Variants in UGT2B7 observed in about 807,000 individuals in gnomAD.
UGT2B7 encodes the protein UDP glucuronosyltransferase family 2 member B7, also known as UDP-glucuronosyltransferase 2B7.
A neutral mutation model predicts 51.9 loss-of-function variants in UGT2B7; 51 were observed. That is an observed-to-expected ratio of 0.98 (90% CI 0.78 to 1.24). UGT2B7 has a LOEUF of 1.24. Ranked by LOEUF, UGT2B7 falls within the 50% of genes most tolerant of loss-of-function variation. UGT2B7 has a pLI of 0.00. For synonymous variants in UGT2B7, 225 were observed against 211.6 expected (o/e 1.06, Z -0.55); for missense variants, 727 against 628.4 (o/e 1.16, Z -1.68).
At chr4:69,092,882 G>C (rs1257101431), upstream of UGT2B7, among the ~76,000 whole-genome samples, 1 of 149,764 alleles carries the variant, frequency 6.7e-6, no homozygotes, top group Non-Finnish European at 1.5e-5. Flanking sequence ...TCTTAAAATA[G>C]TTACACTTTC....
chr4:69,063,156 A>G (rs931262724), intron 1 of UGT2B7, among the ~76,000 whole-genome samples: 5 of 151,012 alleles, frequency 3.3e-5, no homozygotes, highest in African/African-American at 1.2e-4. Flanking sequence ...CGTCTCTACT[A>G]AAAATACAAA....
At chr4:69,084,199 C>G (rs920745258) in intron 1 of UGT2B7, among the ~76,000 whole-genome samples, 2 of 151,834 alleles carry the variant, frequency 1.3e-5, no homozygotes, top group Non-Finnish European at 2.9e-5. Flanking sequence ...TATGCTTAAC[C>G]TTCTCTGTAT....
intron 1 of UGT2B7, among the ~76,000 whole-genome samples, chr4:69,074,912 G>A (rs1445860716): frequency 1.3e-5 from 2 of 152,036 alleles, no homozygotes; most frequent in Admixed American, 6.6e-5. Context: ...TATGTGTCTG[G>A]AGCAGAAGTG....
intron 5 of UGT2B7, among the ~76,000 whole-genome samples, chr4:69,110,885 T>C (rs991263925): frequency 6.6e-6 from 1 of 152,220 alleles, no homozygotes; most frequent in African/African-American, 2.4e-5. Context: ...ATTTATCTTT[T>C]GTATTTAATA....
chr4:69,063,298 G>A (rs1187424424), intron 1 of UGT2B7, among the ~76,000 whole-genome samples: 1 of 107,082 alleles, frequency 9.3e-6, no homozygotes, highest in Non-Finnish European at 1.7e-5. Context: ...CAGCCTGGGC[G>A]ACAGAGCGAG....
chr4:69,080,580 A>G (rs186396811), intron 1 of UGT2B7, among the ~76,000 whole-genome samples: 40 of 151,914 alleles, frequency 2.6e-4, no homozygotes, highest in Admixed American at 1.8e-3. Context: ...ATCAATGACT[A>G]TACTTCCAAA....
chr4:69,096,495 G>A lies in UGT2B7; in HGVS notation c.-26G>A, dbSNP rs1203863793. 2 of 1,611,368 alleles carry A rather than the reference G, an allele frequency of 1.2e-6. No homozygotes were observed. Among genetic ancestry groups the A allele is most frequent in the East Asian group, 2.2e-5 (1 of 44,858 alleles). ...AAATGACAGAAAGGAACAGCAACTG[G>A]AAAACAAGCATTGCATTGCACCAGG... is the stretch of plus-strand genomic sequence containing the variant. On this transcript the variant is annotated 5_prime_UTR_variant, in exon 1 of 6. Transcript: ENST00000305231.
At chr4:69,077,836 A>AG (rs1486510880) in intron 1 of UGT2B7, among the ~76,000 whole-genome samples, 3 of 152,168 alleles carry the variant, frequency 2.0e-5, no homozygotes, top group African/African-American at 7.2e-5. Flanking sequence ...GTGGTGAGAG[A>AG]GGGCATCCTT....
chr4:69,097,380 T>A, intron 1 of UGT2B7, 139 bp downstream of exon 1: 2 of 1,053,828 alleles, frequency 1.9e-6, no homozygotes, highest in Non-Finnish European at 2.7e-6. Context: ...GATGATCTAT[T>A]AATCTCACAA....
upstream of UGT2B7, among the ~76,000 whole-genome samples, chr4:69,096,266 A>G (rs1015395750): frequency 1.3e-5 from 2 of 152,152 alleles, no homozygotes; most frequent in Non-Finnish European, 2.9e-5. Flanking sequence ...TGTCCATACA[A>G]GATCCTTGAT....
intron 2 of UGT2B7, 40 bp downstream of exon 2, chr4:69,098,728 A>G (rs2109885263): frequency 6.3e-7 from 1 of 1,598,718 alleles, no homozygotes. Context: ...TTGGCTTTGA[A>G]TTTTCAGTAG....
At chr4:69,092,593 A>G (rs1339356796), upstream of UGT2B7, among the ~76,000 whole-genome samples, 2 of 152,066 alleles carry the variant, frequency 1.3e-5, no homozygotes. Flanking sequence ...ATAAAATATA[A>G]AAAGTAAAAT....
At chr4:69,084,298 C>T (rs1718900967) in intron 1 of UGT2B7, among the ~76,000 whole-genome samples, 1 of 128,996 alleles carries the variant, frequency 7.8e-6, no homozygotes, top group South Asian at 2.5e-4. Flanking sequence ...ATTTTTGCGT[C>T]TATGTTCATC....
chr4:69,062,444 C>G (rs922763996), intron 1 of UGT2B7, among the ~76,000 whole-genome samples: 1 of 152,160 alleles, frequency 6.6e-6, no homozygotes, highest in Non-Finnish European at 1.5e-5. Context: ...CCCTTTCAAA[C>G]CTGAAGACTT....
At chr4:69,058,074 A>G (rs1321434248) in intron 1 of UGT2B7, among the ~76,000 whole-genome samples, 1 of 152,248 alleles carries the variant, frequency 6.6e-6, no homozygotes, top group Admixed American at 6.5e-5. Flanking sequence ...GCTGGCAGCT[A>G]CAAAGACAAA....
At chr4:69,067,298 G>T (rs548130225) in intron 1 of UGT2B7, 1 of 152,248 alleles carries the variant, frequency 6.6e-6, no homozygotes, top group Admixed American at 6.6e-5. Context: ...GCAATAATTT[G>T]TTATCTAGAG....
chr4:69,078,345 A>G (rs933384665), intron 1 of UGT2B7, among the ~76,000 whole-genome samples: 1 of 151,848 alleles, frequency 6.6e-6, no homozygotes, highest in Non-Finnish European at 1.5e-5. Context: ...CTCTTTTTCT[A>G]TGTTTGGAAT....
rs139488772 is a variant in UGT2B7, at chr4:69,098,551, A to G, written c.733A>G (p.Thr245Ala). The G allele has an allele frequency of 4.4e-6, 7 of 1,603,702 alleles. No homozygotes were observed. The African/African-American group carries it at 6.8e-5, about 16-fold the overall frequency. Residue 245 changes from threonine (T) to alanine (A), a missense_variant, in exon 2 of 6, where the codon ACA becomes GCA. By Grantham distance (58) the Thr-to-Ala change is moderately conservative. Transcript: ENST00000305231. ...FYSEVLGRPT[T>A]LSETMGKADV... ...TCTATTCCTGTCAGGAAGACCCACT[A>G]CATTATCTGAGACAATGGGGAAAGC...
intron 1 of UGT2B7, among the ~76,000 whole-genome samples, chr4:69,079,225 C>T (rs1313567839): frequency 6.6e-6 from 1 of 152,168 alleles, no homozygotes; most frequent in East Asian, 1.9e-4. Context: ...AAGCTGCACC[C>T]TTCTGCTGCA....
Sources: gnomAD v4.1 joint callset for allele counts (sites outside exome capture counted in the v4.1 genomes callset) on GRCh38, gnomAD v4.1.1 for gene constraint, MANE v1.5 for transcripts, NCBI Gene and HGNC (gene_info 2026-07-23, HGNC 2026-07-21) for gene names.